WASHC5: variants seen among roughly 807,000 people sequenced by gnomAD.
WASHC5 encodes the protein WASH complex subunit strumpellin.
Under a neutral mutation model 150.4 loss-of-function variants are expected in WASHC5, and 101 were observed. The observed-to-expected ratio is 0.67, with a 90% CI of 0.57 to 0.79. The LOEUF is 0.79. WASHC5 is among the 30% of genes least tolerant of loss of function. The pLI is 0.00. For synonymous variants in WASHC5, 467 were observed against 491.2 expected, an observed-to-expected ratio of 0.95 and a Z score of 0.65; for missense variants, 1,195 against 1,396.3, an observed-to-expected ratio of 0.86 and a Z score of 2.30.
intron 9 of WASHC5, among the ~76,000 whole-genome samples, chr8:125,072,335 TAA>T (rs1214416109): frequency 1.4e-5 from 1 of 69,882 alleles, no homozygotes; most frequent in Non-Finnish European, 2.3e-5. Context: ...GATCCTGTCT[TAA>T]AAAAAAAAAA....
chr8:125,034,979 T>C (rs1279863624), intron 26 of WASHC5, among the ~76,000 whole-genome samples: 2 of 152,212 alleles, frequency 1.3e-5, no homozygotes, highest in African/African-American at 2.4e-5. Context: ...GTTTTTCGGA[T>C]ATACAGTTTC....
chr8:125,040,771 T>C (rs1467159360), intron 23 of WASHC5: 2 of 152,268 alleles, frequency 1.3e-5, no homozygotes, highest in Admixed American at 6.5e-5. Flanking sequence ...TCCACAGCCA[T>C]GCTGAACTGT....
Position 125,044,052 on chromosome 8 carries a change from T to C in WASHC5, c.2710A>G (p.Thr904Ala), listed in dbSNP as rs1328771891. 8 of 1,613,616 alleles carry C rather than the reference T, an allele frequency of 5.0e-6. No individual in the cohort carries two copies. In the African/African-American group the frequency reaches 1.1e-4, roughly 22 times the overall value. ...AGGGTTTTTAAAGTGTCCTGAACAG[T>C]TCTGTCTCTCAGGATAATTTTCTGA... ...MFQKIILRDR[T>A]VQDTLKTLMN... The change falls in exon 22 of 29, where the codon ACT becomes GCT. Residue 904 changes from threonine (T) to alanine (A), a missense_variant. Thr to Ala is a moderately conservative substitution (Grantham distance 58). Transcript: ENST00000318410.
intron 5 of WASHC5, among the ~76,000 whole-genome samples, chr8:125,081,236 CTTTTT>C (rs35035456): frequency 7.7e-6 from 1 of 129,132 alleles, no homozygotes. Flanking sequence ...AAGAATCTTA[CTTTTT>C]TTTTTTTTTT....
At chr8:125,041,964 T>C (rs1293487957) in intron 23 of WASHC5, among the ~76,000 whole-genome samples, 3 of 152,214 alleles carry the variant, frequency 2.0e-5, no homozygotes, top group Non-Finnish European at 4.4e-5. Context: ...TAATTTTCTA[T>C]GTGTAGTATA....
At chr8:125,073,429 T>C in intron 8 of WASHC5, 105 bp from the exon 9 acceptor site, 1 of 948,596 alleles carries the variant, frequency 1.1e-6, no homozygotes, top group Non-Finnish European at 1.7e-6. Context: ...CTATATAGGA[T>C]GAATGACATA....
chr8:125,030,461 AGAG>A (rs1029170408), intron 27 of WASHC5, among the ~76,000 whole-genome samples: 29 of 152,216 alleles, frequency 1.9e-4, no homozygotes, highest in African/African-American at 5.3e-4. Context: ...TCATTAACTA[AGAG>A]GAGGAGGAGC....
At chr8:125,065,393 C>T (rs1435725014) in intron 10 of WASHC5, among the ~76,000 whole-genome samples, 2 of 151,860 alleles carry the variant, frequency 1.3e-5, no homozygotes, top group Non-Finnish European at 2.9e-5. Flanking sequence ...TTTATGCTGT[C>T]TTGTTTCCTG....
At chr8:125,084,411 A>G (rs537258065) in intron 1 of WASHC5, among the ~76,000 whole-genome samples, 9 of 152,248 alleles carry the variant, frequency 5.9e-5, no homozygotes, top group Non-Finnish European at 1.2e-4. Context: ...AAATCCCTGT[A>G]CATCATTTTG....
chr8:125,024,929 A>ATCTGCGAGGAATC (rs1421058150), intron 28 of WASHC5, among the ~76,000 whole-genome samples: 1 of 151,932 alleles, frequency 6.6e-6, no homozygotes, highest in African/African-American at 2.4e-5. Context: ...CTTGGCTCTT[A>ATCTGCGAGGAATC]AAGGTACCTT....
Position 125,038,692 on chromosome 8 carries a change from A to G in WASHC5, c.3084+138T>C, listed in dbSNP as rs1428946728. On this transcript the variant is annotated intron_variant, in intron 25 of 28. Transcript: ENST00000318410. The stretch of plus-strand genomic sequence containing the variant: ...GGGAAAGTGTGATGATTGCTTAGAA[A>G]GGGCAGGGAACTGAATGGAATGAAG... 26 of 988,298 alleles carry G rather than the reference A, an allele frequency of 2.6e-5. No homozygotes were observed. In the East Asian group the frequency reaches 6.5e-4, roughly 25 times the overall value. 61.2% of individuals were successfully genotyped at this position (988,298 alleles called of 1,614,324 possible). A position where few individuals can be genotyped will look rare whatever the true frequency, so the allele number is the denominator to read the frequency against.
intron 9 of WASHC5, among the ~76,000 whole-genome samples, chr8:125,071,108 T>C (rs1369086411): frequency 3.3e-5 from 5 of 152,134 alleles, no homozygotes; most frequent in African/African-American, 7.2e-5. Context: ...TGTCTCAGAG[T>C]TGGTCCTCAA....
intron 4 of WASHC5, among the ~76,000 whole-genome samples, chr8:125,082,098 G>A (rs1211875948): frequency 6.6e-6 from 1 of 152,178 alleles, no homozygotes; most frequent in African/African-American, 2.4e-5. Context: ...TGGTTAGTAT[G>A]TACTAGGTAT....
rs762683769 is a variant in WASHC5 at position 125,083,918 on chromosome 8, T to C, written c.-20A>G. On this transcript the variant is annotated 5_prime_UTR_variant, in exon 2 of 29. Transcript: ENST00000318410. ...CAACATTGTGAGGCGGACCGACTAC[T>C]CTGTGCCTGGACACTGGGGATGATT... 7 of 1,611,082 alleles carry C rather than the reference T, an allele frequency of 4.3e-6. No homozygotes were observed. The highest frequency in any genetic ancestry group is 5.9e-6 in the Non-Finnish European group (7 of 1,178,274).
In WASHC5 at chr8:125,079,063, C is replaced by T. The variant is rs185026461; in HGVS notation, c.519-133G>A. ...ATATGATCACAGGTCCATCTATATC[C>T]TCAATATATCCTCAAGATTCAAAAT... is the stretch of plus-strand genomic sequence containing the variant. On this transcript the variant is annotated intron_variant, in intron 5 of 28. Coordinates refer to ENST00000318410, the MANE Select transcript of WASHC5 (RefSeq NM_014846.4). The T allele has an allele frequency of 1.5e-5, 9 of 618,938 alleles. No homozygotes were observed. The Admixed American group carries it at 2.3e-4, about 16-fold the overall frequency. The allele number at this position is 618,938 out of a possible 1,614,324, so 38.3% of individuals were successfully genotyped here. A position where few individuals can be genotyped will look rare whatever the true frequency, so the allele number is the denominator to read the frequency against.
At chr8:125,032,648 T>A in intron 26 of WASHC5, 1 of 501,822 alleles carries the variant, frequency 2.0e-6, no homozygotes, top group Non-Finnish European at 3.6e-6. Context: ...TTCTTTTGAA[T>A]TACTCAATTA....
chr8:125,065,744 A>G (rs149582689), intron 10 of WASHC5, among the ~76,000 whole-genome samples: 3,974 of 151,766 alleles, frequency 0.026, 178 homozygotes, highest in African/African-American at 0.092. Flanking sequence ...AGCCTCCTGA[A>G]GAGCTTGGAA....
intron 1 of WASHC5, among the ~76,000 whole-genome samples, chr8:125,088,081 C>G (rs1817472395): frequency 6.6e-6 from 1 of 152,060 alleles, no homozygotes; most frequent in African/African-American, 2.4e-5. Context: ...TGATCTCTGC[C>G]TCCTGGTATT....
intron 12 of WASHC5, among the ~76,000 whole-genome samples, chr8:125,060,578 T>C (rs954944162): frequency 6.6e-6 from 1 of 152,138 alleles, no homozygotes; most frequent in East Asian, 1.9e-4. Flanking sequence ...TTAAGAGTGG[T>C]GAGGTATAAT....
Sources: gnomAD v4.1 joint callset for allele counts (sites outside exome capture counted in the v4.1 genomes callset) on GRCh38, gnomAD v4.1.1 for gene constraint, MANE v1.5 for transcripts, NCBI Gene and HGNC (gene_info 2026-07-23, HGNC 2026-07-21) for gene names.